TYW1: variants seen among roughly 807,000 people sequenced by gnomAD.
TYW1 encodes the protein S-adenosyl-L-methionine-dependent tRNA 4-demethylwyosine synthase TYW1.
Under a neutral mutation model 96.2 loss-of-function variants are expected in TYW1, and 46 were observed. The observed-to-expected ratio is 0.48, with a 90% CI of 0.38 to 0.61. The LOEUF (loss-of-function observed/expected upper bound fraction) is 0.61, where lower values mean the gene tolerates loss of function less well. TYW1 is among the 20% of genes least tolerant of loss of function. The pLI is 0.00. For missense variants in TYW1, 684 were observed against 909.6 expected (o/e 0.75, Z 3.19); for synonymous variants, 274 against 323.0 (o/e 0.85, Z 1.63).
rs1286310536 is a variant in TYW1 at position 67,061,044 on chromosome 7, A to G, written c.1155+5157A>G. On this transcript the variant is annotated intron_variant, in intron 9 of 15. Coordinates refer to ENST00000359626, the MANE Select transcript of TYW1 (RefSeq NM_018264.4). ...GGAGTTCAAGACTAGCCTGGCCAACAATGTGAAACCCCGTCTCTACTAAAA... is the reference window on the plus strand; with the variant it reads ...GGAGTTCAAGACTAGCCTGGCCAACGATGTGAAACCCCGTCTCTACTAAAA... 4.6e-5 allele frequency among the ~76,000 whole-genome samples: 7 copies of G among 152,274 alleles called. No homozygotes were observed. In the Middle Eastern group the frequency reaches 0.01, roughly 222 times the overall value.
chr7:67,107,724 A>T (rs1797284262), intron 12 of TYW1, among the ~76,000 whole-genome samples: 2 of 150,854 alleles, frequency 1.3e-5, no homozygotes, highest in South Asian at 2.1e-4. Context: ...TTGAGATAAG[A>T]TTGACTTTTT....
intron 15 of TYW1, among the ~76,000 whole-genome samples, chr7:67,205,489 C>G (rs550580648): frequency 1.9e-4 from 29 of 151,694 alleles, no homozygotes; most frequent in Admixed American, 8.6e-4. Flanking sequence ...TGCCTTGTTA[C>G]TGCTAGGTGG....
At chr7:67,015,002 T>C (rs1300080998) in intron 5 of TYW1, among the ~76,000 whole-genome samples, 1 of 151,224 alleles carries the variant, frequency 6.6e-6, no homozygotes, top group Non-Finnish European at 1.5e-5. Flanking sequence ...GCCCGGCCTC[T>C]TCTGTTTTTT....
intron 12 of TYW1, among the ~76,000 whole-genome samples, chr7:67,108,602 G>A (rs565848543): frequency 3.6e-4 from 55 of 151,532 alleles, no homozygotes; most frequent in African/African-American, 1.1e-3. Flanking sequence ...CCACCACACC[G>A]GCTAATTTTT....
At chr7:67,095,979 A>G (rs1334135301) in intron 11 of TYW1, among the ~76,000 whole-genome samples, 1 of 152,190 alleles carries the variant, frequency 6.6e-6, no homozygotes, top group Admixed American at 6.5e-5. Flanking sequence ...TCGTTAATGA[A>G]CGTTTCTTGT....
intron 13 of TYW1, among the ~76,000 whole-genome samples, chr7:67,175,693 T>C (rs1283082028): frequency 6.6e-6 from 1 of 152,174 alleles, no homozygotes; most frequent in Non-Finnish European, 1.5e-5. Context: ...TAGGATAAGG[T>C]TAATAGATGC....
chr7:67,121,292 T>G (rs1014441199), intron 13 of TYW1, among the ~76,000 whole-genome samples: 2 of 152,180 alleles, frequency 1.3e-5, no homozygotes, highest in African/African-American at 4.8e-5. Context: ...TCCCAGCACT[T>G]TGGGAGGCTG....
intron 12 of TYW1, among the ~76,000 whole-genome samples, chr7:67,100,643 G>A (rs1474588515): frequency 2.0e-5 from 3 of 151,980 alleles, no homozygotes; most frequent in Non-Finnish European, 4.4e-5. Flanking sequence ...TCATGAGATT[G>A]AGACCATCCT....
At chr7:67,123,339 A>C (rs951327008) in intron 13 of TYW1, among the ~76,000 whole-genome samples, 1 of 152,214 alleles carries the variant, frequency 6.6e-6, no homozygotes, top group Non-Finnish European at 1.5e-5. Flanking sequence ...CTAAAATACT[A>C]TCCTGCTTTC....
At chr7:67,023,586 G>A (rs1209284405) in intron 6 of TYW1, among the ~76,000 whole-genome samples, 2 of 151,940 alleles carry the variant, frequency 1.3e-5, no homozygotes, top group East Asian at 1.9e-4. Flanking sequence ...TGGCTGACAT[G>A]GTGAAACCCT....
intron 13 of TYW1, among the ~76,000 whole-genome samples, chr7:67,131,744 A>G (rs1042612568): frequency 4.6e-5 from 7 of 152,200 alleles, no homozygotes; most frequent in African/African-American, 1.7e-4. Context: ...CCAAAACCTC[A>G]GAAGTAGGGA....
intron 13 of TYW1, among the ~76,000 whole-genome samples, chr7:67,175,121 A>G (rs1265492814): frequency 5.9e-5 from 9 of 151,704 alleles, no homozygotes; most frequent in Non-Finnish European, 1.2e-4. Context: ...CTACACAACT[A>G]TTCCAGAGAG....
intron 15 of TYW1, among the ~76,000 whole-genome samples, chr7:67,219,784 T>A (rs1449262232): frequency 6.6e-6 from 1 of 151,774 alleles, no homozygotes; most frequent in Non-Finnish European, 1.5e-5. Context: ...TAAAAATTCA[T>A]CCAGCTAAAG....
At chr7:67,187,700 A>G (rs369905713) in intron 14 of TYW1, among the ~76,000 whole-genome samples, 2 of 152,390 alleles carry the variant, frequency 1.3e-5, no homozygotes, top group Non-Finnish European at 1.5e-5. Flanking sequence ...TGCATTTTAA[A>G]TCCTTGATTA....
intron 11 of TYW1, among the ~76,000 whole-genome samples, chr7:67,085,022 T>C (rs1276901433): frequency 6.6e-6 from 1 of 152,218 alleles, no homozygotes; most frequent in Non-Finnish European, 1.5e-5. Context: ...TTCCGTCATA[T>C]GCAACCATTA....
chr7:67,224,079 C>T lies in TYW1; in HGVS notation c.1978-14229C>T, dbSNP rs1277322503. 4.6e-5 allele frequency among the ~76,000 whole-genome samples: 7 copies of T among 152,200 alleles called. No individual in the cohort carries two copies. The East Asian group carries it at 1.4e-3, about 29-fold the overall frequency. ...CCTTCAGCACAACACAAGGACTTTC[C>T]TGTGCTTTTTCCTACAAGTTTCCTT... On this transcript the variant is annotated intron_variant, in intron 15 of 15. Coordinates refer to ENST00000359626, the MANE Select transcript of TYW1 (RefSeq NM_018264.4).
intron 7 of TYW1, among the ~76,000 whole-genome samples, chr7:67,048,468 C>G (rs1035606857): frequency 6.6e-6 from 1 of 151,252 alleles, no homozygotes; most frequent in Admixed American, 6.6e-5. Flanking sequence ...ACACAGATCT[C>G]GTGTGTTGTC....
At chr7:67,081,220 C>CT (rs59852863) in intron 10 of TYW1, among the ~76,000 whole-genome samples, 8,920 of 120,006 alleles carry the variant, frequency 0.074, 435 homozygotes, top group African/African-American at 0.13. Flanking sequence ...GCTTGGTGGT[C>CT]TTTTTTTTTT....
chr7:67,217,461 C>T lies in TYW1; in HGVS notation c.1978-20847C>T, dbSNP rs900609811. Among the ~76,000 whole-genome samples, 20 of 152,188 alleles carry T rather than the reference C, an allele frequency of 1.3e-4. 1 individual carries two copies. Among genetic ancestry groups the T allele is most frequent in the African/African-American group, 3.4e-4 (14 of 41,458 alleles). On this transcript the variant is annotated intron_variant, in intron 15 of 15. Coordinates refer to ENST00000359626, the MANE Select transcript of TYW1 (RefSeq NM_018264.4). The stretch of plus-strand genomic sequence containing the variant: ...GTGGTGTTAGATAAGGGTCCAGCCT[C>T]ATTGCTTTGCATGTAGTGTTTTTCC...
Sources: allele counts gnomAD v4.1 joint callset (sites outside exome capture counted in the v4.1 genomes callset), GRCh38; gene constraint gnomAD v4.1.1; transcripts MANE v1.5; gene names NCBI Gene and HGNC (gene_info 2026-07-23, HGNC 2026-07-21).